The following ALG6 variants were observed in gnomAD, a reference collection of about 807,000 sequenced individuals.
ALG6 encodes ALG6 alpha-1,3-glucosyltransferase, also known as dolichyl pyrophosphate Man9GlcNAc2 alpha-1,3-glucosyltransferase.
A neutral mutation model predicts 66.6 loss-of-function variants in ALG6; 46 were observed. That is an observed-to-expected ratio of 0.69 (90% CI 0.55 to 0.88). The LOEUF is 0.88. Ranked by LOEUF, ALG6 falls within the 40% of genes least tolerant of loss-of-function variation. The pLI is 0.00. For synonymous variants in ALG6, 185 were observed against 203.7 expected (o/e 0.91, Z 0.78); for missense variants, 505 against 586.8 (o/e 0.86, Z 1.44).
intron 1 of ALG6, among the ~76,000 whole-genome samples, chr1:63,369,075 A>G (rs1277551967): frequency 1.3e-5 from 2 of 151,782 alleles, no homozygotes; most frequent in African/African-American, 4.9e-5. Context: ...TATGATATGT[A>G]TTCTTTGGTG....
rs757435447 is a variant in ALG6 at position 63,371,098 on chromosome 1, T to A, written c.82+39T>A. ...ACTGGTTAAAAAAAAAACGAAATTT[T>A]CCTTTGAATAGGTGTTTGTTTGGGG... On this transcript the variant is annotated intron_variant, in intron 2 of 14. Transcript: ENST00000263440. 6 of 1,390,276 alleles carry A rather than the reference T, an allele frequency of 4.3e-6. No individual in the cohort carries two copies. The East Asian group carries it at 1.4e-4, about 32-fold the overall frequency. The allele number at this position is 1,390,276 out of a possible 1,614,324, so 86.1% of individuals were successfully genotyped here. A position where few individuals can be genotyped will look rare whatever the true frequency, so the allele number is the denominator to read the frequency against.
intron 4 of ALG6, among the ~76,000 whole-genome samples, chr1:63,402,862 C>T (rs1364470024): frequency 1.3e-5 from 2 of 150,764 alleles, no homozygotes; most frequent in African/African-American, 2.4e-5. Context: ...TGTGGGAGGC[C>T]GAGGCGGGCG....
chr1:63,391,448 T>G (rs975491279), intron 2 of ALG6, among the ~76,000 whole-genome samples: 3 of 152,208 alleles, frequency 2.0e-5, no homozygotes, highest in Non-Finnish European at 2.9e-5. Context: ...TTGGTTCCTC[T>G]GGGTATCCTT....
rs574586899 is a variant in ALG6 at position 63,438,341 on chromosome 1, C to T, written c.*1321C>T. ...CCGAATCAGCAAGAACATTGCTGTC[C>T]ATGGTCACCATCTGTAATCACTGTG... On this transcript the variant is annotated 3_prime_UTR_variant, in exon 15 of 15. Transcript: ENST00000263440. 7 of 152,250 alleles carry T rather than the reference C, an allele frequency of 4.6e-5. No homozygotes were observed. Among genetic ancestry groups the T allele is most frequent in the African/African-American group, 1.7e-4 (7 of 41,554 alleles). The allele number at this position is 152,250 out of a possible 1,614,324, so 9.4% of individuals were successfully genotyped here.
chr1:63,411,311 A>G lies in ALG6; in HGVS notation c.660A>G (p.Lys220=), dbSNP rs2100420972. ...GCTTTTTACTTGGCAAGTGTTTTAA[A>G]AAAGGCCTCAAAGGAAAGGGGTGAG... The part of the protein sequence containing the change: ...FFCFLLGKCF[K]KGLKGKGFVL... The change falls in exon 8 of 15, where the codon AAA becomes AAG. Residue 220 remains lysine, a synonymous_variant. Transcript: ENST00000263440. 6.2e-7 allele frequency: 1 copy of G among 1,613,822 alleles called. No homozygotes were observed. Among genetic ancestry groups the G allele is most frequent in the South Asian group, 1.1e-5 (1 of 91,056 alleles).
At chr1:63,384,052 C>T (rs1054826851) in intron 2 of ALG6, among the ~76,000 whole-genome samples, 5 of 152,128 alleles carry the variant, frequency 3.3e-5, no homozygotes, top group Non-Finnish European at 1.5e-5. Context: ...TTTATTCATT[C>T]GTCTGCTGAT....
intron 1 of ALG6, among the ~76,000 whole-genome samples, chr1:63,368,573 T>A (rs2100375077): frequency 6.6e-6 from 1 of 152,138 alleles, no homozygotes; most frequent in Non-Finnish European, 1.5e-5. Flanking sequence ...CGATCTTGGC[T>A]CACTGCAACC....
intron 12 of ALG6, among the ~76,000 whole-genome samples, chr1:63,425,207 G>C (rs1644608867): frequency 6.6e-6 from 1 of 152,174 alleles, no homozygotes; most frequent in Non-Finnish European, 1.5e-5. Flanking sequence ...TTGTTTAAGA[G>C]AGGAGCAATA....
At chr1:63,390,962 A>T (rs796715899) in intron 2 of ALG6, among the ~76,000 whole-genome samples, 11 of 152,286 alleles carry the variant, frequency 7.2e-5, no homozygotes, top group African/African-American at 2.4e-4. Flanking sequence ...AGGTACTGTG[A>T]TTGCTCAACT....
At chr1:63,395,842 A>G (rs769212523) in intron 2 of ALG6, among the ~76,000 whole-genome samples, 5 of 152,206 alleles carry the variant, frequency 3.3e-5, no homozygotes, top group Non-Finnish European at 7.3e-5. Context: ...CATGGATTCT[A>G]TATCTGTGGA....
At chr1:63,416,022 A>T in intron 11 of ALG6, 65 bp downstream of exon 11, 1 of 1,180,184 alleles carries the variant, frequency 8.5e-7, no homozygotes, top group Non-Finnish European at 1.3e-6. Context: ...AATTATTTTC[A>T]TGGTCTGCAC....
chr1:63,394,387 T>C (rs1648758628), intron 2 of ALG6, among the ~76,000 whole-genome samples: 1 of 152,188 alleles, frequency 6.6e-6, no homozygotes, highest in African/African-American at 2.4e-5. Context: ...TTTCTTTCTT[T>C]CTTTTCTTTT....
chr1:63,398,875 A>G (rs573313942), intron 3 of ALG6, among the ~76,000 whole-genome samples: 1 of 152,290 alleles, frequency 6.6e-6, no homozygotes, highest in Non-Finnish European at 1.5e-5. Context: ...TTAAATAGTT[A>G]TACTAATTTT....
chr1:63,424,321 A>G (rs1644604009), intron 12 of ALG6, among the ~76,000 whole-genome samples: 1 of 152,000 alleles, frequency 6.6e-6, no homozygotes, highest in African/African-American at 2.4e-5. Context: ...TTGCATTTTT[A>G]GTAGAGATGG....
At chr1:63,385,383 A>AT (rs1042691154) in intron 2 of ALG6, among the ~76,000 whole-genome samples, 10 of 148,172 alleles carry the variant, frequency 6.7e-5, no homozygotes, top group East Asian at 4.0e-4. Context: ...TATTATTTTT[A>AT]TTTTTTTTTA....
chr1:63,381,468 T>A (rs554923305), intron 2 of ALG6, among the ~76,000 whole-genome samples: 1 of 150,380 alleles, frequency 6.6e-6, no homozygotes, highest in South Asian at 2.1e-4. Flanking sequence ...CAAAAACAAA[T>A]ACAAAAACAA....
intron 12 of ALG6, among the ~76,000 whole-genome samples, chr1:63,422,307 ATATATC>A (rs1265574728): frequency 1.3e-5 from 1 of 79,018 alleles, no homozygotes; most frequent in African/African-American, 6.9e-5. Context: ...AGATATAAAT[ATATATC>A]TATATATGAA....
Position 63,411,322 on chromosome 1 carries a change from A to G in ALG6, c.671A>G (p.Lys224Arg), listed in dbSNP as rs140879997. Residue 224 changes from lysine to arginine, a missense_variant, in exon 8 of 15, where the codon AAA becomes AGA. Lys to Arg is a conservative substitution (Grantham distance 26). Transcript: ENST00000263440. ...GGCAAGTGTTTTAAAAAAGGCCTCAAAGGAAAGGGGTGAGTGACTTTTAAA... is the reference window on the plus strand; with the variant it reads ...GGCAAGTGTTTTAAAAAAGGCCTCAGAGGAAAGGGGTGAGTGACTTTTAAA... ...LLGKCFKKGL[K>R]GKGFVLLVKL... 36 of 1,613,700 alleles carry G rather than the reference A, an allele frequency of 2.2e-5. No homozygotes were observed. Among genetic ancestry groups the G allele is most frequent in the Middle Eastern group, 1.7e-4 (1 of 6,058 alleles).
At chr1:63,425,376 A>C (rs991953238) in intron 12 of ALG6, among the ~76,000 whole-genome samples, 1 of 152,140 alleles carries the variant, frequency 6.6e-6, no homozygotes, top group African/African-American at 2.4e-5. Context: ...GTTCCTCTTT[A>C]GTAAAAGGGG....
Sources: gnomAD v4.1 joint callset for allele counts (sites outside exome capture counted in the v4.1 genomes callset) on GRCh38, gnomAD v4.1.1 for gene constraint, MANE v1.5 for transcripts, NCBI Gene and HGNC (gene_info 2026-07-23, HGNC 2026-07-21) for gene names.